Variants in SLA observed in about 807,000 individuals in gnomAD.
The protein encoded by SLA is Src like adaptor.
A neutral mutation model predicts 30.3 loss-of-function variants in SLA; 16 were observed. The observed-to-expected ratio is 0.53, with a 90% CI of 0.36 to 0.80. The LOEUF (loss-of-function observed/expected upper bound fraction) is 0.80, where lower values mean the gene tolerates loss of function less well. SLA is among the 30% of genes least tolerant of loss of function. The pLI is 0.01. For missense variants in SLA, 310 were observed against 345.2 expected (o/e 0.90, Z 0.81); for synonymous variants, 143 against 137.8 (o/e 1.04, Z -0.26).
At chr8:133,097,381 A>G (rs965088941) in intron 1 of SLA, among the ~76,000 whole-genome samples, 2 of 152,226 alleles carry the variant, frequency 1.3e-5, no homozygotes, top group African/African-American at 2.4e-5. Context: ...TGATTGTGGC[A>G]TTGATTATTG....
chr8:133,068,635 C>T (rs965565908), intron 2 of SLA, among the ~76,000 whole-genome samples: 1 of 152,174 alleles, frequency 6.6e-6, no homozygotes, highest in Admixed American at 6.5e-5. Context: ...CTGCAGTCTC[C>T]GTGGCTCACC....
At chr8:133,092,123 A>G (rs1395922333) in intron 1 of SLA, among the ~76,000 whole-genome samples, 1 of 152,098 alleles carries the variant, frequency 6.6e-6, no homozygotes, top group Non-Finnish European at 1.5e-5. Flanking sequence ...TTAAAAGAGA[A>G]AGAGAATCCT....
intron 1 of SLA, among the ~76,000 whole-genome samples, chr8:133,101,093 G>C (rs1266034429): frequency 6.6e-6 from 1 of 152,090 alleles, no homozygotes; most frequent in Non-Finnish European, 1.5e-5. Flanking sequence ...GGGGAGGGTG[G>C]CGGGTGGCAG....
At chr8:133,089,447 C>T (rs1847149153) in intron 1 of SLA, among the ~76,000 whole-genome samples, 1 of 152,166 alleles carries the variant, frequency 6.6e-6, no homozygotes, top group Admixed American at 6.5e-5. Flanking sequence ...TTCCCAAGCC[C>T]TTTCTGTAAT....
chr8:133,044,994 G>T lies in SLA; in HGVS notation c.474C>A (p.Asn158Lys), dbSNP rs762861289. ...TTGTATGTCTCTTACCAGAATAGTG[G>T]TTCACCAGGTCCTCCAGGCACTGGA... ...LTFQCLEDLV[N>K]HYSEVADGLC... The change falls in exon 7 of 9, where the codon AAC (asparagine) becomes AAA (lysine). Residue 158 changes from asparagine (N) to lysine (K), a missense_variant. By Grantham distance (94) the Asn-to-Lys change is moderately conservative. Coordinates refer to ENST00000338087, the MANE Select transcript of SLA (RefSeq NM_001045556.3). 1 of 1,614,046 alleles carries T rather than the reference G, an allele frequency of 6.2e-7. No homozygotes were observed. Among genetic ancestry groups the T allele is most frequent in the Non-Finnish European group, 8.5e-7 (1 of 1,179,996 alleles).
chr8:133,049,685 C>T (rs1840057612), intron 5 of SLA: 2 of 552,310 alleles, frequency 3.6e-6, no homozygotes, highest in South Asian at 4.2e-5. Context: ...GTCCAACTTC[C>T]TTCATTTTAC....
rs985040119 is a variant in SLA at position 133,052,875 on chromosome 8, C to A, written c.62-1960G>T. Among the ~76,000 whole-genome samples, 4 of 152,284 alleles carry A rather than the reference C, an allele frequency of 2.6e-5. No individual in the cohort carries two copies. In the East Asian group the frequency reaches 5.8e-4, roughly 22 times the overall value. ...TGACTTTGCCACTCACTGAGTGGGA[C>A]GCCTCCTTCTCCTCTTGGGCCTGGG... On this transcript the variant is annotated intron_variant, in intron 3 of 8. Transcript: ENST00000338087.
At chr8:133,070,791 G>C (rs1054863127) in intron 2 of SLA, among the ~76,000 whole-genome samples, 1 of 152,208 alleles carries the variant, frequency 6.6e-6, no homozygotes, top group Non-Finnish European at 1.5e-5. Context: ...GGGAGCTGGT[G>C]TGCACACTGG....
In SLA at chr8:133,074,841, CT is replaced by C; in HGVS notation, c.-41+11del. ...CTCCCCACCCCATCTCTGCCACATA[CT>C]CCCAAAATACCTTCACACACTGGGC... On this transcript the variant is annotated intron_variant, in intron 2 of 8. Transcript: ENST00000338087. 1.0e-6 allele frequency: 1 copy of C among 985,470 alleles called. No homozygotes were observed. Among genetic ancestry groups the C allele is most frequent in the African/African-American group, 1.7e-5 (1 of 57,340 alleles). The allele number at this position is 985,470 out of a possible 1,614,324, so 61.0% of individuals were successfully genotyped here. A position where few individuals can be genotyped will look rare whatever the true frequency, so the allele number is the denominator to read the frequency against.
intron 1 of SLA, among the ~76,000 whole-genome samples, chr8:133,097,770 A>G (rs60111188): frequency 0.028 from 4,257 of 152,330 alleles, 217 homozygotes; most frequent in African/African-American, 0.097. Context: ...TGCTGTATAT[A>G]TATACACACA....
chr8:133,072,840 T>A (rs748391904), intron 2 of SLA: 3 of 152,228 alleles, frequency 2.0e-5, no homozygotes, highest in Admixed American at 6.5e-5. Flanking sequence ...TACCCCTGTC[T>A]GTTTCGTTTA....
chr8:133,102,488 ATACCACCCCAGGCCACC>A, intron 1 of SLA, 48 bp downstream of exon 1: 1 of 1,468,180 alleles, frequency 6.8e-7, no homozygotes, highest in Non-Finnish European at 9.3e-7. Flanking sequence ...CCTCCCCCAC[ATACCACCCCAGGCCACC>A]TATGGCCCAC....
intron 1 of SLA, among the ~76,000 whole-genome samples, chr8:133,083,340 G>A (rs990118765): frequency 1.3e-5 from 2 of 152,116 alleles, no homozygotes; most frequent in African/African-American, 2.4e-5. Flanking sequence ...ACTATTTATT[G>A]TAAACTTGAA....
chr8:133,070,933 T>G (rs1409351140), intron 2 of SLA, among the ~76,000 whole-genome samples: 1 of 152,246 alleles, frequency 6.6e-6, no homozygotes, highest in African/African-American at 2.4e-5. Context: ...TTTATCTCAA[T>G]TGTTTCCCCT....
intron 4 of SLA, chr8:133,050,293 A>G: frequency 4.7e-6 from 2 of 422,536 alleles, no homozygotes; most frequent in East Asian, 4.5e-5. Flanking sequence ...ATAAATGTTT[A>G]CTATGTTGAT....
intron 1 of SLA, among the ~76,000 whole-genome samples, chr8:133,091,305 G>A (rs1847479624): frequency 6.6e-6 from 1 of 152,214 alleles, no homozygotes; most frequent in Non-Finnish European, 1.5e-5. Flanking sequence ...CTCCATGTGA[G>A]GTAGACACCA....
intron 1 of SLA, among the ~76,000 whole-genome samples, chr8:133,097,198 G>A (rs1588087762): frequency 2.0e-5 from 3 of 152,316 alleles, no homozygotes; most frequent in East Asian, 1.9e-4. Context: ...CAGTCTAACC[G>A]GAATTTTATT....
intron 7 of SLA, among the ~76,000 whole-genome samples, chr8:133,040,865 T>C (rs989138149): frequency 2.6e-5 from 4 of 152,198 alleles, no homozygotes; most frequent in Non-Finnish European, 5.9e-5. Context: ...AATCTCTCTT[T>C]CACTCTAGAA....
intron 6 of SLA, 189 bp downstream of exon 6, chr8:133,047,641 G>C (rs745335916): frequency 1.8e-5 from 11 of 605,392 alleles, no homozygotes; most frequent in Non-Finnish European, 3.0e-5. Context: ...GCTCCCCACT[G>C]CCTGTCTCTA....
Sources: gnomAD v4.1 joint callset for allele counts (sites outside exome capture counted in the v4.1 genomes callset) on GRCh38, gnomAD v4.1.1 for gene constraint, MANE v1.5 for transcripts, NCBI Gene and HGNC (gene_info 2026-07-23, HGNC 2026-07-21) for gene names.